The following TPM4 variants were observed in gnomAD, a reference collection of about 807,000 sequenced individuals.
TPM4 encodes tropomyosin alpha-4 chain.
In TPM4, 17 loss-of-function variants were observed where a neutral mutation model predicts 35.8. The observed-to-expected ratio is 0.47, with a 90% CI of 0.32 to 0.71. The LOEUF (loss-of-function observed/expected upper bound fraction) is 0.71. Among genes scored for constraint, TPM4 ranks in the 30% least tolerant of loss-of-function variants. The probability of loss-of-function intolerance (pLI) is 0.03; values close to 1 mark genes in which losing one functional copy is unlikely to be tolerated. For synonymous variants in TPM4, 120 were observed against 122.9 expected, an observed-to-expected ratio of 0.98 and a Z score of 0.15; for missense variants, 240 against 320.9, an observed-to-expected ratio of 0.75 and a Z score of 1.93.
chr19:16,073,984 A>G (rs1281752960), upstream of TPM4, among the ~76,000 whole-genome samples: 1 of 140,608 alleles, frequency 7.1e-6, no homozygotes, highest in South Asian at 2.3e-4. Context: ...AATAATGCAC[A>G]CACACACACA....
intron 2 of TPM4, chr19:16,068,012 C>G (rs537416532): frequency 4.3e-6 from 2 of 468,148 alleles, no homozygotes; most frequent in Non-Finnish European, 7.6e-6. Context: ...TGAGAACGTT[C>G]GTGAGCGAGG....
chr19:16,079,125 G>A (rs796409355), intron 1 of TPM4, among the ~76,000 whole-genome samples: 6 of 152,292 alleles, frequency 3.9e-5, no homozygotes, highest in African/African-American at 9.6e-5. Context: ...ACAGATATGC[G>A]TGTATCTCCC....
rs1401695041 is a variant in TPM4, at chr19:16,070,563, G to A, written c.114+2825G>A. On this transcript the variant is annotated intron_variant, in intron 2 of 2. Transcript: ENST00000589897. The surrounding 1 kb of genome is among the most constrained non-coding windows in gnomAD (Gnocchi z 7.4). ...GCCATGTTTGAGTCATGGCTCAGTC[G>A]CTAGGTGTCCCGGACGCCTGCATGA... Among the ~76,000 whole-genome samples, 9 of 152,196 alleles carry A rather than the reference G, an allele frequency of 5.9e-5. No homozygotes were observed. The highest frequency in any genetic ancestry group is 3.8e-4 in the East Asian group (2 of 5,202).
rs1373103593 is a variant in TPM4, at chr19:16,101,837, G to C, written c.*491G>C. On this transcript the variant is annotated 3_prime_UTR_variant, in exon 8 of 8. Coordinates refer to ENST00000643579, the MANE Select transcript of TPM4 (RefSeq NM_003290.3). ...ATCCAGAGCCAATAAAAGGACTGGTGGGGGCCGGGGGTGGCTATTGTGGGA... is the reference window on the plus strand; with the variant it reads ...ATCCAGAGCCAATAAAAGGACTGGTCGGGGCCGGGGGTGGCTATTGTGGGA... 4.4e-6 allele frequency: 1 copy of C among 227,362 alleles called. No homozygotes were observed. Among genetic ancestry groups the C allele is most frequent in the African/African-American group, 2.3e-5 (1 of 43,950 alleles). The allele number at this position is 227,362 out of a possible 1,614,324, so 14.1% of individuals were successfully genotyped here.
At chr19:16,100,557 C>T (rs140629781) in intron 7 of TPM4, 2 of 152,268 alleles carry the variant, frequency 1.3e-5, no homozygotes, top group Admixed American at 1.3e-4. Flanking sequence ...TGGCTATAAC[C>T]CACCTGTATT....
upstream of TPM4, chr19:16,076,008 C>CG (rs756516589): frequency 4.5e-4 from 708 of 1,586,784 alleles, 1 homozygote; most frequent in Non-Finnish European, 5.7e-4. Context: ...ACGTGACCCC[C>CG]CCCCCAGGCT....
At chr19:16,069,820 G>A (rs1227549813) in intron 2 of TPM4, among the ~76,000 whole-genome samples, 1 of 152,000 alleles carries the variant, frequency 6.6e-6, no homozygotes, top group Admixed American at 6.6e-5. Flanking sequence ...CTGTCGGGGT[G>A]AGTGTGTGTG....
At chr19:16,072,787 A>C (rs1394556742), upstream of TPM4, among the ~76,000 whole-genome samples, 1 of 152,038 alleles carries the variant, frequency 6.6e-6, no homozygotes, top group Non-Finnish European at 1.5e-5. Flanking sequence ...TGAGCCTGTA[A>C]TCCCAGCTAC....
chr19:16,100,932 G>A, intron 7 of TPM4: 1 of 192,844 alleles, frequency 5.2e-6, no homozygotes, highest in South Asian at 8.3e-5. Context: ...CACTTTAGGA[G>A]GCCAAGGTGG....
chr19:16,076,201 G>GGCGGGGCCAGGCCGGAGCC (rs2090403066), upstream of TPM4: 2 of 1,551,576 alleles, frequency 1.3e-6, no homozygotes, highest in Non-Finnish European at 1.7e-6. Context: ...GGGAGCCCGC[G>GGCGGGGCCAGGCCGGAGCC]GCGGGGCCAG....
At chr19:16,085,260 A>T (rs747131810) in intron 2 of TPM4, among the ~76,000 whole-genome samples, 14 of 151,960 alleles carry the variant, frequency 9.2e-5, no homozygotes, top group Non-Finnish European at 1.5e-4. Context: ...CTCAAGAAAA[A>T]AAATAAATAA....
intron 2 of TPM4, among the ~76,000 whole-genome samples, chr19:16,083,953 G>A (rs1227488614): frequency 1.3e-5 from 2 of 151,746 alleles, no homozygotes; most frequent in Non-Finnish European, 2.9e-5. Flanking sequence ...TTGAGACAGA[G>A]TCTCGCTCTG....
chr19:16,093,476 G>A (rs1357388444), intron 5 of TPM4, 60 bp from the exon 6 acceptor site: 2 of 1,599,138 alleles, frequency 1.3e-6, no homozygotes, highest in Non-Finnish European at 1.7e-6. Context: ...TTCCAGGCAT[G>A]AGCCACCATG....
intron 3 of TPM4, among the ~76,000 whole-genome samples, chr19:16,087,179 G>A (rs1463059553): frequency 6.6e-6 from 1 of 152,158 alleles, no homozygotes; most frequent in Non-Finnish European, 1.5e-5. Flanking sequence ...CTACTTGGGA[G>A]GCTGAGGCAG....
intron 1 of TPM4, 50 bp downstream of exon 1, chr19:16,076,747 G>A (rs1187633357): frequency 7.8e-7 from 1 of 1,283,070 alleles, no homozygotes; most frequent in African/African-American, 1.6e-5. Flanking sequence ...TCCCCCGCGC[G>A]CCCTCCTTTC....
At chr19:16,088,642 C>T (rs2090588756) in intron 4 of TPM4, 1 of 1,031,558 alleles carries the variant, frequency 9.7e-7, no homozygotes. Flanking sequence ...TTTCACAAAT[C>T]CACTCCGGGC....
At chr19:16,093,802 G>T in intron 7 of TPM4, 49 bp downstream of exon 7, 1 of 1,604,172 alleles carries the variant, frequency 6.2e-7, no homozygotes, top group African/African-American at 1.3e-5. Flanking sequence ...TTCCCCTCTG[G>T]GACACATCCA....
chr19:16,094,407 C>T lies in TPM4; in HGVS notation c.664+654C>T, dbSNP rs181607146. Among the ~76,000 whole-genome samples the T allele has an allele frequency of 4.3e-3, 647 of 151,424 alleles. 9 individuals are homozygous for T. Among genetic ancestry groups the T allele is most frequent in the African/African-American group, 0.014 (583 of 41,274 alleles). On this transcript the variant is annotated intron_variant, in intron 7 of 7. Coordinates refer to ENST00000643579, the MANE Select transcript of TPM4 (RefSeq NM_003290.3). ...AAAATTAGCCAGGCGTGGTGGTGCA[C>T]GCCTGTAATCCTAGCTACTGGGGAG...
intron 7 of TPM4, among the ~76,000 whole-genome samples, chr19:16,097,249 C>T (rs2090712258): frequency 2.0e-5 from 3 of 150,122 alleles, no homozygotes; most frequent in Admixed American, 6.7e-5. Flanking sequence ...CCACTTTGCC[C>T]GGCCCAGGCT....
Sources: allele counts gnomAD v4.1 joint callset (sites outside exome capture counted in the v4.1 genomes callset), GRCh38; gene constraint gnomAD v4.1.1; non-coding constraint Gnocchi (gnomAD v3.1); transcripts MANE v1.5; gene names NCBI Gene and HGNC (gene_info 2026-07-23, HGNC 2026-07-21).